The following IGSF23 variants were observed in gnomAD, a reference collection of about 807,000 sequenced individuals.
IGSF23 encodes immunoglobulin superfamily, member 23.
IGSF23 carries 14 observed loss-of-function variants against 17.8 expected under a neutral mutation model. The observed-to-expected ratio is 0.79, with a 90% confidence interval of 0.52 to 1.23. IGSF23 has a LOEUF of 1.23. Among genes scored for constraint, IGSF23 ranks in the 50% most tolerant of loss-of-function variants. IGSF23 has a pLI of 0.00. For missense variants in IGSF23, 214 were observed against 241.7 expected (o/e 0.89, Z 0.76); for synonymous variants, 85 against 92.5 (o/e 0.92, Z 0.46).
At chr19:44,634,349 T>C (rs1972837479) in intron 3 of IGSF23, among the ~76,000 whole-genome samples, 2 of 152,242 alleles carry the variant, frequency 1.3e-5, no homozygotes, top group South Asian at 4.1e-4. Context: ...TTTTCCCCTA[T>C]CTGGCAGCTG....
rs1295856224 is a variant in IGSF23, at chr19:44,636,561, C to G, written c.*174C>G. 6.6e-6 allele frequency: 1 copy of G among 152,170 alleles called. No individual in the cohort carries two copies. The highest frequency in any genetic ancestry group is 6.5e-5 in the Admixed American group (1 of 15,274). The allele number at this position is 152,170 out of a possible 1,614,324, so 9.4% of individuals were successfully genotyped here. ...TTTCTGAAACACCTGAAGAAAACAT[C>G]TGATGGGTTGACTCGGTGCCATCCT... On this transcript the variant is annotated 3_prime_UTR_variant, in exon 5 of 5. Coordinates refer to ENST00000402988, the MANE Select transcript of IGSF23 (RefSeq NM_001205280.2).
intron 3 of IGSF23, among the ~76,000 whole-genome samples, chr19:44,633,924 GT>G (rs1237525129): frequency 1.3e-5 from 2 of 152,132 alleles, no homozygotes; most frequent in Non-Finnish European, 2.9e-5. Context: ...AGAAGTAGAT[GT>G]AACAATTTGA....
chr19:44,617,415 T>A (rs963457521), intron 1 of IGSF23, among the ~76,000 whole-genome samples: 1 of 152,124 alleles, frequency 6.6e-6, no homozygotes, highest in East Asian at 1.9e-4. Context: ...GAAAGTAGAT[T>A]TTATGTGTTC....
At chr19:44,618,763 C>G (rs934779601) in intron 1 of IGSF23, among the ~76,000 whole-genome samples, 6 of 152,096 alleles carry the variant, frequency 3.9e-5, no homozygotes, top group Non-Finnish European at 7.4e-5. Context: ...GGTAAAGCTG[C>G]AAAACTCCTT....
At position 44,623,785 on chromosome 19, in the gene IGSF23, C is replaced by T. The variant is rs1972572810; in HGVS notation, c.204C>T (p.Ile68=). 1 of 1,550,870 alleles carries T rather than the reference C, an allele frequency of 6.4e-7. No individual in the cohort carries two copies. The highest frequency in any genetic ancestry group is 8.7e-7 in the Non-Finnish European group (1 of 1,147,086). The change falls in exon 2 of 5, where the codon ATC becomes ATT. Residue 68 remains isoleucine (I), a synonymous_variant. Coordinates refer to ENST00000402988, the MANE Select transcript of IGSF23 (RefSeq NM_001205280.2). ...VIQSELNYSV[I]LQWVVTMDPE... is the part of the protein sequence containing the mutation. ...AGAGTGAGCTCAACTATTCTGTGAT[C>T]CTGCAGTGGGTGGTGACAATGGACC...
intron 1 of IGSF23, among the ~76,000 whole-genome samples, chr19:44,616,838 T>A (rs1339909498): frequency 6.7e-6 from 1 of 149,184 alleles, no homozygotes; most frequent in Non-Finnish European, 1.5e-5. Flanking sequence ...TAAATAAATA[T>A]ATATATATGA....
chr19:44,623,664 T>C (rs1427954621), intron 1 of IGSF23, 43 bp from the exon 2 acceptor site: 14 of 1,535,536 alleles, frequency 9.1e-6, no homozygotes, highest in Non-Finnish European at 1.2e-5. Context: ...CTTTTCTGAG[T>C]GGACTCCACT....
At chr19:44,627,949 T>C (rs2123723758) in intron 3 of IGSF23, among the ~76,000 whole-genome samples, 1 of 147,572 alleles carries the variant, frequency 6.8e-6, no homozygotes, top group South Asian at 2.1e-4. Flanking sequence ...TTCTTTTTCT[T>C]TTTTTTTTTT....
At chr19:44,615,987 A>G (rs1205109030) in intron 1 of IGSF23, among the ~76,000 whole-genome samples, 1 of 152,218 alleles carries the variant, frequency 6.6e-6, no homozygotes, top group Non-Finnish European at 1.5e-5. Context: ...GTGGTTTACA[A>G]CATGTTTGCA....
intron 3 of IGSF23, chr19:44,632,141 G>A (rs35823804): frequency 0.23 from 82,557 of 360,804 alleles, 11,076 homozygotes; most frequent in East Asian, 0.42. Flanking sequence ...TTTTGTTACA[G>A]ATAGGTTTTT....
chr19:44,633,402 C>T (rs772914603), intron 3 of IGSF23, among the ~76,000 whole-genome samples: 5 of 152,188 alleles, frequency 3.3e-5, no homozygotes, highest in Non-Finnish European at 4.4e-5. Context: ...TAGTCTCATG[C>T]TAGGGACATG....
At chr19:44,632,416 T>A (rs942831069) in intron 3 of IGSF23, 1 of 161,278 alleles carries the variant, frequency 6.2e-6, no homozygotes, top group Non-Finnish European at 1.4e-5. Flanking sequence ...CCATCATCTG[T>A]GACAGCTTCT....
intron 2 of IGSF23, among the ~76,000 whole-genome samples, chr19:44,624,872 G>C (rs149975253): frequency 1.6e-5 from 2 of 123,528 alleles, no homozygotes; most frequent in Non-Finnish European, 3.2e-5. Context: ...GACCAACCTG[G>C]ACAACATAGT....
At chr19:44,626,040 A>G (rs1255347226) in intron 2 of IGSF23, among the ~76,000 whole-genome samples, 9 of 152,094 alleles carry the variant, frequency 5.9e-5, no homozygotes, top group African/African-American at 1.9e-4. Context: ...AGTCTCAGGT[A>G]TTTCTTCATA....
At chr19:44,632,518 CG>C (rs1419396284) in intron 3 of IGSF23, 4 of 154,802 alleles carry the variant, frequency 2.6e-5, no homozygotes, top group Middle Eastern at 1.0e-3. Context: ...TGGCTGCAAC[CG>C]GGGGGTCCTC....
intron 3 of IGSF23, chr19:44,632,189 A>G: frequency 3.2e-6 from 1 of 317,408 alleles, no homozygotes; most frequent in Non-Finnish European, 6.0e-6. Context: ...GAGATTTGTT[A>G]TGGTAAATAC....
intron 1 of IGSF23, chr19:44,618,071 C>T: frequency 4.2e-6 from 2 of 470,936 alleles, no homozygotes; most frequent in Non-Finnish European, 8.8e-6. Context: ...CCCTGCTCTT[C>T]CAAGGCGCCC....
rs557979604 is a variant in IGSF23, at chr19:44,613,614, C to G, written c.-32C>G. 1.0e-4 allele frequency: 157 copies of G among 1,517,340 alleles called. No individual in the cohort carries two copies. In the East Asian group the frequency reaches 2.6e-3, roughly 25 times the overall value. 94.0% of individuals were successfully genotyped at this position (1,517,340 alleles called of 1,614,324 possible). A position where few individuals can be genotyped will look rare whatever the true frequency, so the allele number is the denominator to read the frequency against. On this transcript the variant is annotated 5_prime_UTR_variant, in exon 1 of 5. Coordinates refer to ENST00000402988, the MANE Select transcript of IGSF23 (RefSeq NM_001205280.2). ...GGAGCGGGCGATTCTGCTTCTCCCT[C>G]CATCTCCCGGCGGGGATTGTACGGT... is the stretch of plus-strand genomic sequence containing the variant.
intron 1 of IGSF23, among the ~76,000 whole-genome samples, chr19:44,619,546 C>T (rs1972464453): frequency 6.6e-6 from 1 of 152,170 alleles, no homozygotes; most frequent in African/African-American, 2.4e-5. Context: ...CTAGTCGGCT[C>T]GGGCAAAATA....
Sources: gnomAD v4.1 joint callset for allele counts (sites outside exome capture counted in the v4.1 genomes callset) on GRCh38, gnomAD v4.1.1 for gene constraint, MANE v1.5 for transcripts, NCBI Gene and HGNC (gene_info 2026-07-23, HGNC 2026-07-21) for gene names.